Variants in UMAD1 observed in about 807,000 individuals in gnomAD.
UMAD1 encodes UBAP1-MVB12-associated (UMA) domain containing 1.
A neutral mutation model predicts 6.1 loss-of-function variants in UMAD1; 8 were observed. The observed-to-expected ratio is 1.30, with a 90% CI of 0.76 to 2.35. UMAD1 has a LOEUF of 2.35. Among genes scored for constraint, UMAD1 ranks in the 30% most tolerant of loss-of-function variants. UMAD1 has a pLI of 0.00. For synonymous variants in UMAD1, 56 were observed against 31.4 expected, an observed-to-expected ratio of 1.78 and a Z score of -2.61; for missense variants, 130 against 78.4, an observed-to-expected ratio of 1.66 and a Z score of -2.49.
At chr7:7,772,741 G>A (rs1782125154) in intron 2 of UMAD1, among the ~76,000 whole-genome samples, 1 of 152,148 alleles carries the variant, frequency 6.6e-6, no homozygotes, top group Non-Finnish European at 1.5e-5. Flanking sequence ...CGTTTTCTCT[G>A]GGCTCACAAA....
At chr7:7,683,162 A>T (rs1779953995) in intron 2 of UMAD1, among the ~76,000 whole-genome samples, 1 of 152,106 alleles carries the variant, frequency 6.6e-6, no homozygotes, top group African/African-American at 2.4e-5. Flanking sequence ...AAAGTCATTC[A>T]TTTTTTTCGG....
intron 3 of UMAD1, among the ~76,000 whole-genome samples, chr7:7,811,450 T>C (rs534423339): frequency 6.6e-6 from 1 of 152,346 alleles, no homozygotes; most frequent in African/African-American, 2.4e-5. Context: ...TCTGAATTGC[T>C]GGGTCATATA....
chr7:7,822,465 A>G (rs1490657020), intron 3 of UMAD1, among the ~76,000 whole-genome samples: 1 of 152,072 alleles, frequency 6.6e-6, no homozygotes, highest in Non-Finnish European at 1.5e-5. Context: ...AGGACCATAC[A>G]ATTAGCATGA....
chr7:7,729,349 C>T (rs993840557), intron 2 of UMAD1, among the ~76,000 whole-genome samples: 3 of 152,176 alleles, frequency 2.0e-5, no homozygotes, highest in African/African-American at 7.2e-5. Context: ...GAACATTAAG[C>T]TGAAGATGGG....
At chr7:7,662,160 C>A (rs2348554) in intron 1 of UMAD1, among the ~76,000 whole-genome samples, 1 of 151,950 alleles carries the variant, frequency 6.6e-6, no homozygotes, top group Non-Finnish European at 1.5e-5. Context: ...GCCCTTCCCC[C>A]CACCAAGCTC....
intron 1 of UMAD1, among the ~76,000 whole-genome samples, chr7:7,645,878 T>C (rs1785082294): frequency 6.6e-6 from 1 of 152,072 alleles, no homozygotes; most frequent in Non-Finnish European, 1.5e-5. Flanking sequence ...CTTTTTTGTA[T>C]AGTCCTTGTC....
chr7:7,717,932 A>G (rs1780957190), intron 2 of UMAD1, among the ~76,000 whole-genome samples: 1 of 152,232 alleles, frequency 6.6e-6, no homozygotes, highest in African/African-American at 2.4e-5. Context: ...TTGATGTTTA[A>G]TTGTAATATT....
At position 7,837,837 on chromosome 7, in the gene UMAD1, G is replaced by A. The variant is rs1468121093; in HGVS notation, c.156+36094G>A. Among the ~76,000 whole-genome samples, 8 of 152,206 alleles carry A rather than the reference G, an allele frequency of 5.3e-5. 1 individual carries two copies. The highest frequency in any genetic ancestry group is 1.7e-4 in the African/African-American group (7 of 41,570). On this transcript the variant is annotated intron_variant, in intron 3 of 3. Coordinates refer to ENST00000682710, the MANE Select transcript of UMAD1 (RefSeq NM_001302348.2). Reference sequence around the variant, plus strand: ...ATCTAAATACAGTACTGTGGTTTACGTGAAAACCCTACATAAGGGTACGTA... The same window carrying A: ...ATCTAAATACAGTACTGTGGTTTACATGAAAACCCTACATAAGGGTACGTA...
At chr7:7,648,869 A>G (rs1785156283) in intron 1 of UMAD1, among the ~76,000 whole-genome samples, 2 of 151,452 alleles carry the variant, frequency 1.3e-5, no homozygotes, top group South Asian at 2.1e-4. Context: ...GAAAGAAAGA[A>G]AAAAAAAGGC....
At chr7:7,764,588 A>G (rs1049117279) in intron 2 of UMAD1, among the ~76,000 whole-genome samples, 2 of 152,148 alleles carry the variant, frequency 1.3e-5, no homozygotes, top group African/African-American at 2.4e-5. Context: ...CAGTGATGGG[A>G]GCTGGATCAC....
intron 2 of UMAD1, chr7:7,739,044 C>T (rs1258530279): frequency 6.6e-6 from 1 of 152,220 alleles, no homozygotes; most frequent in Non-Finnish European, 1.5e-5. Context: ...TACTTTTCAG[C>T]ACCATTATTC....
At chr7:7,840,507 G>GCCAAGCCAATTCTTCTTTTATTT in intron 3 of UMAD1, among the ~76,000 whole-genome samples, 1 of 152,044 alleles carries the variant, frequency 6.6e-6, no homozygotes. Context: ...TGTTGGCATT[G>GCCAAGCCAATTCTTCTTTTATTT]CCAAGCCAAT....
intron 3 of UMAD1, among the ~76,000 whole-genome samples, chr7:7,808,616 A>C (rs988712408): frequency 5.3e-5 from 8 of 151,908 alleles, no homozygotes; most frequent in Non-Finnish European, 8.8e-5. Context: ...TGTTTATTTT[A>C]AGTGTTGGTT....
At chr7:7,767,969 A>G (rs1431026391) in intron 2 of UMAD1, among the ~76,000 whole-genome samples, 2 of 152,172 alleles carry the variant, frequency 1.3e-5, no homozygotes, top group African/African-American at 4.8e-5. Context: ...AGCACATGTC[A>G]TACTCTGAAT....
At chr7:7,817,137 A>G (rs1455106615) in intron 3 of UMAD1, among the ~76,000 whole-genome samples, 1 of 152,164 alleles carries the variant, frequency 6.6e-6, no homozygotes, top group Non-Finnish European at 1.5e-5. Flanking sequence ...TTCTCTGAAG[A>G]ACTTTATCCC....
intron 2 of UMAD1, among the ~76,000 whole-genome samples, chr7:7,687,776 A>T (rs1780075052): frequency 6.6e-6 from 1 of 152,250 alleles, no homozygotes; most frequent in Non-Finnish European, 1.5e-5. Flanking sequence ...AGTATTAAAT[A>T]CATGATATTC....
At chr7:7,860,633 G>A (rs1784097956) in intron 3 of UMAD1, among the ~76,000 whole-genome samples, 1 of 127,994 alleles carries the variant, frequency 7.8e-6, no homozygotes, top group Non-Finnish European at 1.8e-5. Context: ...AAAATTAGCA[G>A]GCATGGTGGC....
chr7:7,780,218 C>G (rs1417846684), intron 2 of UMAD1, among the ~76,000 whole-genome samples: 1 of 152,206 alleles, frequency 6.6e-6, no homozygotes, highest in African/African-American at 2.4e-5. Flanking sequence ...ACCCCCATCT[C>G]TCTTCTTCAA....
chr7:7,672,398 T>C (rs1451393783), intron 1 of UMAD1, among the ~76,000 whole-genome samples: 1 of 152,166 alleles, frequency 6.6e-6, no homozygotes, highest in Non-Finnish European at 1.5e-5. Context: ...GTATGAGGGA[T>C]GGTCACAATA....
Sources: allele counts gnomAD v4.1 joint callset (sites outside exome capture counted in the v4.1 genomes callset), GRCh38; gene constraint gnomAD v4.1.1; transcripts MANE v1.5; gene names NCBI Gene and HGNC (gene_info 2026-07-23, HGNC 2026-07-21).